The following BRD4 variants were observed in gnomAD, a reference collection of about 807,000 sequenced individuals.
BRD4 encodes the protein bromodomain-containing protein 4.
BRD4 carries 16 observed loss-of-function variants against 142.1 expected under a neutral mutation model. The observed-to-expected ratio is 0.11, with a 90% confidence interval of 0.08 to 0.17. The LOEUF (loss-of-function observed/expected upper bound fraction) is 0.17, where lower values mean the gene tolerates loss of function less well. BRD4 is among the 10% of genes least tolerant of loss of function. The pLI, the probability that BRD4 is intolerant of heterozygous loss-of-function variation, is 1.00. For missense variants in BRD4, 1,424 were observed against 1,810.9 expected (o/e 0.79, Z 3.88); for synonymous variants, 833 against 707.5 (o/e 1.18, Z -2.82).
intron 1 of BRD4, among the ~76,000 whole-genome samples, chr19:15,308,477 C>T (rs1293212673): frequency 6.6e-6 from 1 of 151,362 alleles, no homozygotes; most frequent in East Asian, 1.9e-4. Flanking sequence ...GTCCCAGCTA[C>T]TCAGGAGGCT....
intron 1 of BRD4, among the ~76,000 whole-genome samples, chr19:15,302,137 A>G (rs565088232): frequency 6.6e-6 from 1 of 152,196 alleles, no homozygotes; most frequent in East Asian, 1.9e-4. Flanking sequence ...ACTGCCCTCC[A>G]GTCTGGGAGA....
intron 1 of BRD4, among the ~76,000 whole-genome samples, chr19:15,296,068 A>G (rs2047820346): frequency 6.6e-6 from 1 of 152,218 alleles, no homozygotes; most frequent in African/African-American, 2.4e-5. Context: ...ATCCTGGCCA[A>G]CATGGTGATA....
In BRD4 at chr19:15,257,105, G is replaced by A. The variant is rs2047418948; in HGVS notation, c.1410C>T (p.Ser470=). 1.2e-6 allele frequency: 2 copies of A among 1,609,094 alleles called. No individual in the cohort carries two copies. Among genetic ancestry groups the A allele is most frequent in the Non-Finnish European group, 8.5e-7 (1 of 1,179,498 alleles). Residue 470 remains serine (S), a synonymous_variant, in exon 8 of 20, where the codon TCC becomes TCT. Transcript: ENST00000679869. ...EPEEPVVAVS[S]PAVPPPTKVV... is the part of the protein sequence containing the mutation. ...CCTTGGTGGGAGGGGGCACTGCCGG[G>A]GAGGACACGGCCACCACTGGCTCCT...
chr19:15,278,405 G>A (rs1321659332), intron 1 of BRD4, among the ~76,000 whole-genome samples: 2 of 151,698 alleles, frequency 1.3e-5, no homozygotes, highest in Admixed American at 6.6e-5. Flanking sequence ...GTATGGTGGC[G>A]CATGCTTGTA....
intron 1 of BRD4, among the ~76,000 whole-genome samples, chr19:15,288,767 G>A (rs2047759343): frequency 6.6e-6 from 1 of 152,190 alleles, no homozygotes; most frequent in Non-Finnish European, 1.5e-5. Context: ...AGATGGAGGA[G>A]GGCTGAGTTC....
Position 15,332,511 on chromosome 19 carries a change from G to GCCGCCGCCA in BRD4, c.-257_-256insTGGCGGCGG. On this transcript the variant is annotated 5_prime_UTR_variant, in exon 1 of 20. Coordinates refer to ENST00000679869, the MANE Select transcript of BRD4 (RefSeq NM_001379291.1). ...CAGAACAAACAGCCCAGCCGCCGCC[G>GCCGCCGCCA]CCGCCGCCGCCGCCGCCGCCAGCGC... The GCCGCCGCCA allele has an allele frequency of 6.4e-6, 1 of 156,666 alleles. No individual in the cohort carries two copies. The highest frequency in any genetic ancestry group is 1.2e-5 in the Non-Finnish European group (1 of 80,410). 9.7% of individuals were successfully genotyped at this position (156,666 alleles called of 1,614,324 possible). A position where few individuals can be genotyped will look rare whatever the true frequency, so the allele number is the denominator to read the frequency against.
At chr19:15,295,136 G>A (rs2047813081) in intron 1 of BRD4, among the ~76,000 whole-genome samples, 1 of 152,158 alleles carries the variant, frequency 6.6e-6, no homozygotes, top group Admixed American at 6.5e-5. Flanking sequence ...CAGCTTGCTG[G>A]AGAAACCTGT....
At chr19:15,270,195 A>T (rs922574649) in intron 2 of BRD4, among the ~76,000 whole-genome samples, 58 of 152,372 alleles carry the variant, frequency 3.8e-4, no homozygotes, top group African/African-American at 1.3e-3. Context: ...GAGAGCAGGT[A>T]TACTAACAGC....
intron 1 of BRD4, among the ~76,000 whole-genome samples, chr19:15,282,194 C>A (rs915316673): frequency 6.6e-6 from 1 of 152,176 alleles, no homozygotes; most frequent in Non-Finnish European, 1.5e-5. Flanking sequence ...AAAGCAGCCA[C>A]AAATAATCCT....
intron 1 of BRD4, among the ~76,000 whole-genome samples, chr19:15,313,858 T>A (rs2047995006): frequency 6.6e-6 from 1 of 152,112 alleles, no homozygotes. Flanking sequence ...ACCGCTGACC[T>A]CCAGCACCCA....
At chr19:15,259,462 A>G (rs572050032) in intron 7 of BRD4, among the ~76,000 whole-genome samples, 1 of 152,214 alleles carries the variant, frequency 6.6e-6, no homozygotes, top group Non-Finnish European at 1.5e-5. Context: ...CTGGGTGCTC[A>G]TGGCCCTGGC....
At chr19:15,325,788 C>G (rs1408593049) in intron 1 of BRD4, among the ~76,000 whole-genome samples, 1 of 151,798 alleles carries the variant, frequency 6.6e-6, no homozygotes, top group Non-Finnish European at 1.5e-5. Flanking sequence ...CACCTGAGGT[C>G]GGGAGTTCCA....
chr19:15,239,840 A>G lies in BRD4; in HGVS notation c.3283-19T>C, dbSNP rs201082202. The G allele has an allele frequency of 6.2e-7, 1 of 1,613,842 alleles. No individual in the cohort carries two copies. Among genetic ancestry groups the G allele is most frequent in the Non-Finnish European group, 8.5e-7 (1 of 1,179,980 alleles). ...GCAGCTCCTGGGATGGCACAGGCAC[A>G]GCGGCCGGTGAGGTGGGCAGGCACC... is the stretch of plus-strand genomic sequence containing the variant. On this transcript the variant is annotated intron_variant, in intron 15 of 19. Coordinates refer to ENST00000679869, the MANE Select transcript of BRD4 (RefSeq NM_001379291.1). The surrounding 1 kb of genome is among the most constrained non-coding windows in gnomAD (Gnocchi z 7.4).
At position 15,238,625 on chromosome 19, in the gene BRD4, G is replaced by T; in HGVS notation, c.4020+118C>A. On this transcript the variant is annotated intron_variant, in intron 19 of 19. Transcript: ENST00000679869. This position sits in a 1 kb window ranked among gnomAD's most constrained non-coding sequence, Gnocchi z 7.2. The stretch of plus-strand genomic sequence containing the variant: ...AGCTGAGTCCAGAGGACCACATGCC[G>T]ACCAGCAGGGACGGGGCTCCCCCGC... 6.9e-7 allele frequency: 1 copy of T among 1,457,454 alleles called. No homozygotes were observed. The highest frequency in any genetic ancestry group is 1.4e-5 in the South Asian group (1 of 69,068). The allele number at this position is 1,457,454 out of a possible 1,614,324, so 90.3% of individuals were successfully genotyped here. A position where few individuals can be genotyped will look rare whatever the true frequency, so the allele number is the denominator to read the frequency against.
chr19:15,313,315 G>A (rs1021918866), intron 1 of BRD4, among the ~76,000 whole-genome samples: 1 of 146,648 alleles, frequency 6.8e-6, no homozygotes, highest in African/African-American at 2.5e-5. Flanking sequence ...GGAGCTTGCC[G>A]TAAGCCAATA....
At chr19:15,250,143 G>A (rs540023047) in intron 11 of BRD4, among the ~76,000 whole-genome samples, 174 of 152,246 alleles carry the variant, frequency 1.1e-3, no homozygotes, top group Middle Eastern at 3.4e-3. Context: ...GCCCACTGGC[G>A]GCCTCTCACT....
At chr19:15,267,285 A>G in intron 4 of BRD4, 131 bp downstream of exon 4, 1 of 1,208,556 alleles carries the variant, frequency 8.3e-7, no homozygotes, top group Non-Finnish European at 1.2e-6. Context: ...CCAATCTCAC[A>G]TGTCCAAACA....
intron 1 of BRD4, among the ~76,000 whole-genome samples, chr19:15,274,275 G>T (rs1175675740): frequency 6.6e-6 from 1 of 152,146 alleles, no homozygotes; most frequent in Non-Finnish European, 1.5e-5. Flanking sequence ...AAGTCAGTGG[G>T]GTTTAAACCC....
chr19:15,302,668 C>CAA (rs572714842), intron 1 of BRD4, among the ~76,000 whole-genome samples: 17 of 56,780 alleles, frequency 3.0e-4, no homozygotes, highest in Non-Finnish European at 5.0e-4. Flanking sequence ...GACTCCGACT[C>CAA]AAAAAAAAAA....
Sources: allele counts gnomAD v4.1 joint callset (sites outside exome capture counted in the v4.1 genomes callset), GRCh38; gene constraint gnomAD v4.1.1; non-coding constraint Gnocchi (gnomAD v3.1); transcripts MANE v1.5; gene names NCBI Gene and HGNC (gene_info 2026-07-23, HGNC 2026-07-21).